Variants in ABHD16A observed in about 807,000 individuals in gnomAD.
ABHD16A encodes the protein abhydrolase domain containing 16A, phospholipase, also known as phosphatidylserine lipase ABHD16A.
In ABHD16A, 47 loss-of-function variants were observed where a neutral mutation model predicts 89.8. The observed-to-expected ratio is 0.52, with a 90% CI of 0.41 to 0.67. The LOEUF (loss-of-function observed/expected upper bound fraction) is 0.67, where lower values mean the gene tolerates loss of function less well. Among genes scored for constraint, ABHD16A ranks in the 30% least tolerant of loss-of-function variants. ABHD16A has a pLI of 0.00. For synonymous variants in ABHD16A, 251 were observed against 280.4 expected (o/e 0.90, Z 1.05); for missense variants, 580 against 734.6 (o/e 0.79, Z 2.43).
In ABHD16A at chr6:31,690,395, A is replaced by G; in HGVS notation, c.907+144T>C. On this transcript the variant is annotated intron_variant, in intron 10 of 19. Coordinates refer to ENST00000395952, the MANE Select transcript of ABHD16A (RefSeq NM_021160.3). This position sits in a 1 kb window ranked among gnomAD's most constrained non-coding sequence, Gnocchi z 4.1. The stretch of plus-strand genomic sequence containing the variant: ...GAGGGATGTAAGGTTATCAAAGCAA[A>G]TGGCGAGTGGACTTTTCCCTAAAGC... The G allele has an allele frequency of 1.1e-6, 1 of 902,194 alleles. No homozygotes were observed. The highest frequency in any genetic ancestry group is 1.5e-5 in the South Asian group (1 of 67,454). 55.9% of individuals were successfully genotyped at this position (902,194 alleles called of 1,614,324 possible). A position where few individuals can be genotyped will look rare whatever the true frequency, so the allele number is the denominator to read the frequency against.
rs1159523921 is a variant in ABHD16A, at chr6:31,702,130, C to G, written c.133G>C (p.Asp45His). Reference sequence around the variant, plus strand: ...AGGGCACGGGGCTGATAGTACGTATCCTGCCAAAACAGATGGCCTCCTTAA... The same window carrying G: ...AGGGCACGGGGCTGATAGTACGTATGCTGCCAAAACAGATGGCCTCCTTAA... ...AVTAPHSSSW[D>H]TYYQPRALEK... Residue 45 changes from aspartate to histidine, a missense_variant and splice_region_variant, in exon 2 of 20, where the codon GAT becomes CAT. Asp to His is a moderately conservative substitution (Grantham distance 81). Coordinates refer to ENST00000395952, the MANE Select transcript of ABHD16A (RefSeq NM_021160.3). 2 of 1,613,082 alleles carry G rather than the reference C, an allele frequency of 1.2e-6. No homozygotes were observed. The highest frequency in any genetic ancestry group is 1.1e-5 in the South Asian group (1 of 91,088).
chr6:31,689,233 C>A, intron 12 of ABHD16A, 114 bp from the exon 13 acceptor site: 2 of 991,862 alleles, frequency 2.0e-6, no homozygotes, highest in Non-Finnish European at 3.0e-6. Context: ...CTATGTTATC[C>A]CTTGTTTTTT....
chr6:31,703,167 G>C lies in ABHD16A; in HGVS notation c.115C>G (p.Pro39Ala). Reference sequence around the variant, plus strand: ...CGACTCACCCAGGAGCTGGAATGGGGGGCAGTGACTGCCGTTGGCGTCTCA... The same window carrying C: ...CGACTCACCCAGGAGCTGGAATGGGCGGCAGTGACTGCCGTTGGCGTCTCA... ...VPETPTAVTA[P>A]HSSSWDTYYQ... Residue 39 changes from proline to alanine, a missense_variant, in exon 1 of 20, where the codon CCC becomes GCC. By Grantham distance (27) the Pro-to-Ala change is conservative. Around this residue, in one of 2 missense-constraint regions of ABHD16A, gnomAD observed 165 missense variants for 165.8 expected, o/e 1.00. Transcript: ENST00000395952. 7.0e-7 allele frequency: 1 copy of C among 1,435,624 alleles called. No individual in the cohort carries two copies. Among genetic ancestry groups the C allele is most frequent in the Non-Finnish European group, 9.2e-7 (1 of 1,087,444 alleles). The allele number at this position is 1,435,624 out of a possible 1,614,324, so 88.9% of individuals were successfully genotyped here.
At chr6:31,691,715 G>T (rs1803894833) in intron 8 of ABHD16A, 35 bp from the exon 9 acceptor site, 1 of 1,564,896 alleles carries the variant, frequency 6.4e-7, no homozygotes, top group African/African-American at 1.4e-5. Flanking sequence ...AAGATGCAAG[G>T]GTCAGGAGGC....
chr6:31,697,080 G>A (rs1323382521), intron 4 of ABHD16A, 47 bp from the exon 5 acceptor site: 6 of 1,545,576 alleles, frequency 3.9e-6, no homozygotes, highest in Non-Finnish European at 4.5e-6. Context: ...CTGGGAAGCA[G>A]AAAGCCTAGG....
chr6:31,695,455 G>A (rs1314179857), intron 5 of ABHD16A, among the ~76,000 whole-genome samples: 1 of 152,244 alleles, frequency 6.6e-6, no homozygotes, highest in Non-Finnish European at 1.5e-5. Context: ...TGGGTGCAGT[G>A]GCTCACACCT....
rs1393124848 is a variant in ABHD16A at position 31,698,871 on chromosome 6, C to T, written c.344-1838G>A. ...CCCCACCACCCCCATGTTGAAGCATCGCCCATCACCTGGTTGTCATCTTAT... is the reference window on the plus strand; with the variant it reads ...CCCCACCACCCCCATGTTGAAGCATTGCCCATCACCTGGTTGTCATCTTAT... On this transcript the variant is annotated intron_variant, in intron 4 of 19. Transcript: ENST00000395952. This position sits in a 1 kb window ranked among gnomAD's most constrained non-coding sequence, Gnocchi z 4.1. 6.6e-6 allele frequency among the ~76,000 whole-genome samples: 1 copy of T among 152,102 alleles called. No homozygotes were observed. The highest frequency in any genetic ancestry group is 1.5e-5 in the Non-Finnish European group (1 of 68,022).
chr6:31,693,176 G>C lies in ABHD16A; in HGVS notation c.504-27C>G, dbSNP rs200952948. 15 of 1,607,984 alleles carry C rather than the reference G, an allele frequency of 9.3e-6. No homozygotes were observed. The highest frequency in any genetic ancestry group is 1.3e-5 in the Non-Finnish European group (15 of 1,176,770). ...TGAGGAAGGGAAAGATGCAGGGAAG[G>C]ATAGGGTCAGGAGCAGCAAGCTGGA... On this transcript the variant is annotated intron_variant, in intron 6 of 19. Transcript: ENST00000395952. This position sits in a 1 kb window ranked among gnomAD's most constrained non-coding sequence, Gnocchi z 5.0.
At chr6:31,689,392 T>C (rs1359039265) in intron 12 of ABHD16A, among the ~76,000 whole-genome samples, 189 bp downstream of exon 12, 1 of 152,158 alleles carries the variant, frequency 6.6e-6, no homozygotes, top group Non-Finnish European at 1.5e-5. Context: ...TTTTAATGAC[T>C]GGGCACAAGA....
chr6:31,693,241 T>C lies in ABHD16A; in HGVS notation c.504-92A>G. ...AGAACAGTGGGGTCTAGGAACGACA[T>C]AATGGCATTGGAAGGCAGGCACTGT... On this transcript the variant is annotated intron_variant, in intron 6 of 19. Coordinates refer to ENST00000395952, the MANE Select transcript of ABHD16A (RefSeq NM_021160.3). This position sits in a 1 kb window ranked among gnomAD's most constrained non-coding sequence, Gnocchi z 5.0. 2 of 1,587,924 alleles carry C rather than the reference T, an allele frequency of 1.3e-6. No homozygotes were observed. The highest frequency in any genetic ancestry group is 2.2e-5 in the South Asian group (2 of 89,204).
intron 2 of ABHD16A, among the ~76,000 whole-genome samples, chr6:31,701,714 C>T (rs908904367): frequency 6.6e-6 from 1 of 152,158 alleles, no homozygotes; most frequent in Admixed American, 6.5e-5. Context: ...GATGCGCAAA[C>T]GTCACCACAG....
intron 5 of ABHD16A, among the ~76,000 whole-genome samples, chr6:31,695,583 C>T (rs765279897): frequency 9.9e-5 from 15 of 151,948 alleles, no homozygotes; most frequent in Non-Finnish European, 1.8e-4. Context: ...ATTAGCTGGG[C>T]GTGGTGGCGC....
rs1803997222 is a variant in ABHD16A at position 31,692,643 on chromosome 6, A to G, written c.626+384T>C. 17 of 241,004 alleles carry G rather than the reference A, an allele frequency of 7.1e-5. No homozygotes were observed. In the South Asian group the frequency reaches 9.3e-4, roughly 13 times the overall value. 14.9% of individuals were successfully genotyped at this position (241,004 alleles called of 1,614,324 possible). ...CACAGGTGCAGACACTGAGGCACAC[A>G]GGGGCCCGGAGCCAAGGTGGAATAA... On this transcript the variant is annotated intron_variant, in intron 7 of 19. Coordinates refer to ENST00000395952, the MANE Select transcript of ABHD16A (RefSeq NM_021160.3).
In ABHD16A at chr6:31,702,145, G is replaced by A. The variant is rs771607733; in HGVS notation, c.133-15C>T. Reference sequence around the variant, plus strand: ...TAGTACGTATCCTGCCAAAACAGATGGCCTCCTTAAGGACCCTGCCCACTG... The same window carrying A: ...TAGTACGTATCCTGCCAAAACAGATAGCCTCCTTAAGGACCCTGCCCACTG... On this transcript the variant is annotated splice_polypyrimidine_tract_variant and intron_variant, in intron 1 of 19. Coordinates refer to ENST00000395952, the MANE Select transcript of ABHD16A (RefSeq NM_021160.3). 6.2e-7 allele frequency: 1 copy of A among 1,612,864 alleles called. No homozygotes were observed. Among genetic ancestry groups the A allele is most frequent in the African/African-American group, 1.3e-5 (1 of 74,918 alleles).
In ABHD16A at chr6:31,693,103, G is replaced by A. The variant is rs762858165; in HGVS notation, c.550C>T (p.Arg184Cys). 34 of 1,613,998 alleles carry A rather than the reference G, an allele frequency of 2.1e-5. No homozygotes were observed. The highest frequency in any genetic ancestry group is 2.6e-5 in the Non-Finnish European group (31 of 1,179,996). Residue 184 changes from arginine (R) to cysteine (C), a missense_variant, in exon 7 of 20, where the codon CGC becomes TGC. Arg to Cys is a radical substitution (Grantham distance 180, BLOSUM62 -3). Around this residue, in one of 2 missense-constraint regions of ABHD16A, gnomAD observed 415 missense variants for 568.8 expected, o/e 0.73. Coordinates refer to ENST00000395952, the MANE Select transcript of ABHD16A (RefSeq NM_021160.3). This position sits in a 1 kb window ranked among gnomAD's most constrained non-coding sequence, Gnocchi z 5.0. The part of the protein sequence containing the change: ...GPSRRGVALL[R>C]PEPLHRGTAD... ...GTCCCCCGGTGCAGGGGCTCTGGGC[G>A]AAGCAGGGCCACACCCCGGCGGGAA...
At chr6:31,700,272 C>T (rs9267542) in intron 4 of ABHD16A, among the ~76,000 whole-genome samples, 34,796 of 151,620 alleles carry the variant, frequency 0.23, 4,244 homozygotes, top group Admixed American at 0.25. Context: ...ATTACAGGCA[C>T]GTGCCACCAT....
chr6:31,702,706 A>G, intron 1 of ABHD16A: 1 of 1,545,392 alleles, frequency 6.5e-7, no homozygotes, highest in Non-Finnish European at 8.7e-7. Flanking sequence ...AGGATCTGTA[A>G]AAGTCATTCT....
At position 31,689,035 on chromosome 6, in the gene ABHD16A, T is replaced by C. The variant is rs1205858477; in HGVS notation, c.1166A>G (p.Lys389Arg). The C allele has an allele frequency of 1.2e-6, 2 of 1,613,812 alleles. No individual in the cohort carries two copies. The highest frequency in any genetic ancestry group is 1.7e-6 in the Non-Finnish European group (2 of 1,179,880). Residue 389 changes from lysine (K) to arginine (R), a missense_variant, in exon 13 of 20, where the codon AAG becomes AGG. By Grantham distance (26) the Lys-to-Arg change is conservative (BLOSUM62 2). Coordinates refer to ENST00000395952, the MANE Select transcript of ABHD16A (RefSeq NM_021160.3). ...SFDDLVPLALKVMPDSWRGLV... is the reference protein window; with the variant it reads ...SFDDLVPLALRVMPDSWRGLV... Reference sequence around the variant, plus strand: ...CTCACTCCAGCTGTCTGGCATGACCTTCAAGGCCAAGGGCACCAGGTCATC... The same window carrying C: ...CTCACTCCAGCTGTCTGGCATGACCCTCAAGGCCAAGGGCACCAGGTCATC...
intron 4 of ABHD16A, 81 bp from the exon 5 acceptor site, chr6:31,697,114 G>C: frequency 6.1e-6 from 8 of 1,308,968 alleles, no homozygotes; most frequent in South Asian, 4.8e-5. Flanking sequence ...ATTGGAGATG[G>C]GCTAGAAGAA....
Sources: allele counts gnomAD v4.1 joint callset (sites outside exome capture counted in the v4.1 genomes callset), GRCh38; gene constraint gnomAD v4.1.1; regional missense constraint gnomAD v4.1.1; non-coding constraint Gnocchi (gnomAD v3.1); transcripts MANE v1.5; gene names NCBI Gene and HGNC (gene_info 2026-07-23, HGNC 2026-07-21).